Variants in P3H2 observed in about 807,000 individuals in gnomAD.
The protein encoded by P3H2 is prolyl 3-hydroxylase 2.
In P3H2, 80 loss-of-function variants were observed where a neutral mutation model predicts 87.0. The ratio of observed to expected loss-of-function variants is 0.92; its 90% CI spans 0.77 to 1.11. P3H2 has a LOEUF of 1.11. Among genes scored for constraint, P3H2 ranks in the 50% least tolerant of loss-of-function variants. P3H2 has a pLI of 0.00. For synonymous variants in P3H2, 367 were observed against 359.3 expected, an observed-to-expected ratio of 1.02 and a Z score of -0.24; for missense variants, 1,001 against 923.9, an observed-to-expected ratio of 1.08 and a Z score of -1.08.
At chr3:189,978,562 A>C (rs912893536) in intron 8 of P3H2, among the ~76,000 whole-genome samples, 1 of 152,102 alleles carries the variant, frequency 6.6e-6, no homozygotes, top group Non-Finnish European at 1.5e-5. Context: ...TTCCGGGAGA[A>C]TCTGCATTAG....
In P3H2 at chr3:190,022,027, T is replaced by C. The variant is rs1211388310; in HGVS notation, c.481-26585A>G. Among the ~76,000 whole-genome samples, 2 of 135,070 alleles carry C rather than the reference T, an allele frequency of 1.5e-5. 1 individual carries two copies. The highest frequency in any genetic ancestry group is 5.1e-5 in the African/African-American group (2 of 39,074). 88.6% of individuals were successfully genotyped at this position (135,070 alleles called of 152,430 possible). A position where few individuals can be genotyped will look rare whatever the true frequency, so the allele number is the denominator to read the frequency against. The stretch of plus-strand genomic sequence containing the variant: ...TGCCAATTACTATTTTAGGGATACA[T>C]TGATAAAAATAATGTTCTTCTAGGA... On this transcript the variant is annotated intron_variant, in intron 1 of 14. Transcript: ENST00000319332.
chr3:189,989,796 C>T (rs144316416), intron 3 of P3H2, among the ~76,000 whole-genome samples: 1 of 152,240 alleles, frequency 6.6e-6, no homozygotes, highest in East Asian at 1.9e-4. Flanking sequence ...ATTCTTCTTG[C>T]TTGAGAGTCC....
intron 1 of P3H2, among the ~76,000 whole-genome samples, chr3:190,034,823 G>A (rs1031897448): frequency 2.0e-5 from 3 of 150,108 alleles, no homozygotes; most frequent in Admixed American, 6.7e-5. Context: ...AAAATATCTG[G>A]CCAAATCGCT....
rs185952248 is a variant in P3H2, at chr3:189,983,836, C to T, written c.1230-696G>A. Among the ~76,000 whole-genome samples, 423 of 152,200 alleles carry T rather than the reference C, an allele frequency of 2.8e-3. 1 individual carries two copies. Among genetic ancestry groups the T allele is most frequent in the Middle Eastern group, 0.017 (5 of 294 alleles). The stretch of plus-strand genomic sequence containing the variant: ...CAATTTGAAAATGAATAAGCTGGAC[C>T]ATGTGATCTCAAGCAGGTGTTTCTA... On this transcript the variant is annotated intron_variant, in intron 7 of 14. Coordinates refer to ENST00000319332, the MANE Select transcript of P3H2 (RefSeq NM_018192.4).
At chr3:190,009,110 G>C (rs1724485189) in intron 1 of P3H2, among the ~76,000 whole-genome samples, 1 of 152,156 alleles carries the variant, frequency 6.6e-6, no homozygotes, top group African/African-American at 2.4e-5. Flanking sequence ...GTAAGACACA[G>C]AGGAAAAGCG....
intron 14 of P3H2, among the ~76,000 whole-genome samples, chr3:189,959,229 T>C (rs60477221): frequency 0.038 from 3,646 of 96,808 alleles, 68 homozygotes; most frequent in Middle Eastern, 0.11. Flanking sequence ...ACCTGTCTCT[T>C]CTTTTTTTTT....
intron 1 of P3H2, among the ~76,000 whole-genome samples, chr3:190,044,754 A>G (rs556089332): frequency 3.3e-5 from 5 of 152,196 alleles, no homozygotes; most frequent in Non-Finnish European, 7.4e-5. Context: ...CGATGCCTCT[A>G]TTTATTCCAC....
chr3:189,959,105 C>T (rs1205994319), intron 14 of P3H2, among the ~76,000 whole-genome samples: 1 of 151,978 alleles, frequency 6.6e-6, no homozygotes, highest in Non-Finnish European at 1.5e-5. Flanking sequence ...CTAATGAATC[C>T]TACTGGCTTA....
At chr3:190,061,248 G>C (rs1174258831) in intron 1 of P3H2, among the ~76,000 whole-genome samples, 1 of 152,064 alleles carries the variant, frequency 6.6e-6, no homozygotes, top group Non-Finnish European at 1.5e-5. Context: ...GACCTTAGGA[G>C]AGCATTTAAA....
intron 1 of P3H2, among the ~76,000 whole-genome samples, chr3:190,002,462 A>C (rs927225611): frequency 6.7e-6 from 1 of 148,716 alleles, no homozygotes; most frequent in African/African-American, 2.5e-5. Flanking sequence ...GTGCAATGGC[A>C]TGGTCTCAGC....
intron 1 of P3H2, among the ~76,000 whole-genome samples, chr3:190,050,208 C>G (rs1353607587): frequency 2.0e-5 from 3 of 152,190 alleles, no homozygotes; most frequent in African/African-American, 7.2e-5. Context: ...CTTTCTTACG[C>G]TGAACCATAA....
intron 1 of P3H2, among the ~76,000 whole-genome samples, chr3:190,068,930 A>G (rs1339335674): frequency 5.9e-5 from 9 of 152,218 alleles, no homozygotes; most frequent in African/African-American, 2.2e-4. Flanking sequence ...CACATTTAAT[A>G]TCCTATTACA....
chr3:189,981,288 GAAAT>G (rs1723526274), intron 8 of P3H2, among the ~76,000 whole-genome samples: 2 of 152,184 alleles, frequency 1.3e-5, no homozygotes, highest in African/African-American at 4.8e-5. Flanking sequence ...ATTGGCATCT[GAAAT>G]GCCAGTTGTG....
In P3H2 at chr3:189,987,591, T is replaced by C. The variant is rs768510665; in HGVS notation, c.1034A>G (p.Asn345Ser). The C allele has an allele frequency of 1.2e-6, 2 of 1,614,104 alleles. No homozygotes were observed. The highest frequency in any genetic ancestry group is 1.7e-6 in the Non-Finnish European group (2 of 1,179,998). ...CHPDDEDVLD[N>S]VDYYESLLDD... is the part of the protein sequence containing the mutation. Reference sequence around the variant, plus strand: ...CAGCAGACTCTCATAGTAATCCACATTGTCTAGGACATCCTCATCATCTGG... The same window carrying C: ...CAGCAGACTCTCATAGTAATCCACACTGTCTAGGACATCCTCATCATCTGG... Residue 345 changes from asparagine (N) to serine (S), a missense_variant, in exon 5 of 15, where the codon AAT becomes AGT. Asn to Ser is a conservative substitution (Grantham distance 46, BLOSUM62 1). Transcript: ENST00000319332.
intron 14 of P3H2, among the ~76,000 whole-genome samples, chr3:189,961,654 T>C (rs887376819): frequency 5.9e-5 from 9 of 152,292 alleles, no homozygotes; most frequent in Admixed American, 2.0e-4. Flanking sequence ...TCTCCACGTG[T>C]AGCAAAGAAT....
At chr3:189,986,694 T>G (rs1723711030) in intron 6 of P3H2, 94 bp downstream of exon 6, 26 of 895,242 alleles carry the variant, frequency 2.9e-5, no homozygotes, top group Non-Finnish European at 4.1e-5. Flanking sequence ...CTTAGCTTTT[T>G]GAGGTAAATG....
chr3:190,115,004 G>A (rs529101745), intron 1 of P3H2, among the ~76,000 whole-genome samples: 2 of 152,260 alleles, frequency 1.3e-5, no homozygotes, highest in Admixed American at 1.3e-4. Context: ...GATAGCAGTT[G>A]ATAAAACAGA....
chr3:190,078,875 G>A (rs368668894), intron 1 of P3H2, among the ~76,000 whole-genome samples: 57 of 152,278 alleles, frequency 3.7e-4, no homozygotes, highest in East Asian at 2.3e-3. Context: ...AGTTAAGGGT[G>A]GAAGAGTGGT....
intron 1 of P3H2, among the ~76,000 whole-genome samples, chr3:190,114,333 G>A (rs1396676193): frequency 2.0e-5 from 3 of 151,044 alleles, no homozygotes; most frequent in East Asian, 4.0e-4. Context: ...ACAGGCGCCT[G>A]CCACCACGCC....
Sources: allele counts gnomAD v4.1 joint callset (sites outside exome capture counted in the v4.1 genomes callset), GRCh38; gene constraint gnomAD v4.1.1; transcripts MANE v1.5; gene names NCBI Gene and HGNC (gene_info 2026-07-23, HGNC 2026-07-21).